Variants in GALM observed in about 807,000 individuals in gnomAD.
GALM encodes the protein aldose 1-epimerase.
Under a neutral mutation model 37.4 loss-of-function variants are expected in GALM, and 43 were observed. The observed-to-expected ratio is 1.15, with a 90% CI of 0.90 to 1.48. The LOEUF (loss-of-function observed/expected upper bound fraction) is 1.48, where lower values mean the gene tolerates loss of function less well. Among genes scored for constraint, GALM ranks in the 40% most tolerant of loss-of-function variants. The probability of loss-of-function intolerance (pLI) is 0.00; values close to 1 mark genes in which losing one functional copy is unlikely to be tolerated. For synonymous variants in GALM, 199 were observed against 170.6 expected (o/e 1.17, Z -1.30); for missense variants, 456 against 419.1 (o/e 1.09, Z -0.77).
intron 4 of GALM, among the ~76,000 whole-genome samples, chr2:38,727,724 CA>C (rs565518448): frequency 0.014 from 844 of 62,466 alleles, 5 homozygotes; most frequent in African/African-American, 0.036. Context: ...GACTACGTCT[CA>C]AAAAAAAAAA....
chr2:38,698,313 G>GAC, intron 4 of GALM: 1 of 951,344 alleles, frequency 1.1e-6, no homozygotes, highest in Non-Finnish European at 1.5e-6. Context: ...CAGCAGTGGT[G>GAC]TATTGAGTGC....
intron 4 of GALM, among the ~76,000 whole-genome samples, chr2:38,694,618 T>C (rs1665757170): frequency 1.3e-5 from 2 of 152,098 alleles, no homozygotes; most frequent in African/African-American, 4.8e-5. Context: ...AAAGTCAGGC[T>C]GGGCGCAGTG....
intron 4 of GALM, among the ~76,000 whole-genome samples, chr2:38,710,560 T>A (rs1389246175): frequency 6.6e-6 from 1 of 152,126 alleles, no homozygotes. Context: ...TGCCAGGTCC[T>A]CTGGCTATTA....
intron 3 of GALM, among the ~76,000 whole-genome samples, chr2:38,683,837 G>A (rs555375160): frequency 6.6e-6 from 1 of 152,162 alleles, no homozygotes; most frequent in African/African-American, 2.4e-5. Flanking sequence ...AAAGTGCTAG[G>A]ATTACAGGCG....
At chr2:38,687,636 T>C (rs1665568657) in intron 3 of GALM, among the ~76,000 whole-genome samples, 1 of 151,014 alleles carries the variant, frequency 6.6e-6, no homozygotes, top group Admixed American at 6.6e-5. Flanking sequence ...GCTTGAACCC[T>C]GGAAGTGGAG....
intron 3 of GALM, among the ~76,000 whole-genome samples, chr2:38,681,908 C>G (rs558616562): frequency 1.3e-5 from 2 of 152,362 alleles, no homozygotes; most frequent in South Asian, 4.1e-4. Context: ...TGTGCTTCCC[C>G]TGTGAGCCTG....
At chr2:38,683,768 T>C (rs562414719) in intron 3 of GALM, among the ~76,000 whole-genome samples, 32 of 152,214 alleles carry the variant, frequency 2.1e-4, no homozygotes, top group Admixed American at 5.9e-4. Context: ...GGTTTCACCA[T>C]GTTGCCCAAG....
intron 4 of GALM, among the ~76,000 whole-genome samples, chr2:38,703,413 C>T (rs1487690168): frequency 2.6e-5 from 4 of 151,668 alleles, no homozygotes; most frequent in South Asian, 2.1e-4. Flanking sequence ...GCCTTAAACA[C>T]GGTATATTAG....
At chr2:38,680,680 A>G (rs1275284276) in intron 2 of GALM, among the ~76,000 whole-genome samples, 1 of 152,006 alleles carries the variant, frequency 6.6e-6, no homozygotes, top group Non-Finnish European at 1.5e-5. Context: ...AGATATTGCT[A>G]TATGGCGTTT....
At chr2:38,686,142 A>T (rs373624509) in intron 3 of GALM, among the ~76,000 whole-genome samples, 2 of 150,610 alleles carry the variant, frequency 1.3e-5, no homozygotes, top group African/African-American at 4.9e-5. Flanking sequence ...TCTCAGGCTC[A>T]TCAGTTTATT....
rs200050911 is a variant in GALM at position 38,686,220 on chromosome 2, A to ATTTC, written c.553-3538_553-3535dup. 4.5e-3 allele frequency among the ~76,000 whole-genome samples: 417 copies of ATTTC among 93,606 alleles called. 20 individuals are homozygous for ATTTC. Among genetic ancestry groups the ATTTC allele is most frequent in the South Asian group, 9.1e-3 (24 of 2,644 alleles). 61.4% of individuals were successfully genotyped at this position (93,606 alleles called of 152,430 possible). The stretch of plus-strand genomic sequence containing the variant: ...AAAAAAAAAACCACAGAAAGTGGAA[A>ATTTC]TTTCTTTCTTTCTTTCTTTCTTTCT... On this transcript the variant is annotated intron_variant, in intron 3 of 6. Transcript: ENST00000272252.
At chr2:38,671,087 G>A (rs1476957478) in intron 1 of GALM, among the ~76,000 whole-genome samples, 1 of 141,306 alleles carries the variant, frequency 7.1e-6, no homozygotes, top group Non-Finnish European at 1.5e-5. Flanking sequence ...CAGGAAAGGG[G>A]GAAGCGTTTC....
intron 4 of GALM, among the ~76,000 whole-genome samples, chr2:38,713,655 G>T (rs1666213979): frequency 1.3e-5 from 2 of 152,216 alleles, no homozygotes; most frequent in Middle Eastern, 3.4e-3. Flanking sequence ...TGTAATCCCA[G>T]CACTTTGGGA....
In GALM at chr2:38,699,981, C is replaced by T. The variant is rs144943351; in HGVS notation, c.634+10087C>T. Among the ~76,000 whole-genome samples, 438 of 152,196 alleles carry T rather than the reference C, an allele frequency of 2.9e-3. 3 individuals are homozygous for T. The highest frequency in any genetic ancestry group is 3.2e-3 in the Non-Finnish European group (219 of 68,024). On this transcript the variant is annotated intron_variant, in intron 4 of 6. Coordinates refer to ENST00000272252, the MANE Select transcript of GALM (RefSeq NM_138801.3). ...GTTTTTTGTTTTTTTGAGAGAGTCTCACTCTGTTGCCCAGGCTGGGAGTGC... is the reference window on the plus strand; with the variant it reads ...GTTTTTTGTTTTTTTGAGAGAGTCTTACTCTGTTGCCCAGGCTGGGAGTGC...
chr2:38,667,153 C>T (rs1210208131), intron 1 of GALM, among the ~76,000 whole-genome samples: 3 of 152,116 alleles, frequency 2.0e-5, no homozygotes, highest in Admixed American at 2.0e-4. Flanking sequence ...ACATCATGCT[C>T]TCTTAGCACC....
chr2:38,733,605 G>A lies in GALM; in HGVS notation c.*40G>A. The A allele has an allele frequency of 1.4e-6, 2 of 1,413,262 alleles. No individual in the cohort carries two copies. Among genetic ancestry groups the A allele is most frequent in the East Asian group, 2.3e-5 (1 of 43,838 alleles). The allele number at this position is 1,413,262 out of a possible 1,614,324, so 87.5% of individuals were successfully genotyped here. On this transcript the variant is annotated 3_prime_UTR_variant, in exon 7 of 7. Coordinates refer to ENST00000272252, the MANE Select transcript of GALM (RefSeq NM_138801.3). ...ATGATCCAGTCCAGGGCTAGGCTCAGCCACCTGTCTCCTGTCCAGAAAAAA... is the reference window on the plus strand; with the variant it reads ...ATGATCCAGTCCAGGGCTAGGCTCAACCACCTGTCTCCTGTCCAGAAAAAA...
chr2:38,701,098 T>A (rs1226642939), intron 4 of GALM, among the ~76,000 whole-genome samples: 2 of 152,212 alleles, frequency 1.3e-5, no homozygotes, highest in Admixed American at 1.3e-4. Flanking sequence ...TAGAAACAGA[T>A]CCCTGGTACC....
intron 4 of GALM, among the ~76,000 whole-genome samples, chr2:38,700,360 G>A (rs924844001): frequency 2.6e-5 from 4 of 152,108 alleles, no homozygotes; most frequent in African/African-American, 9.7e-5. Context: ...TGGTGTCTAT[G>A]TCTCCCTTTA....
intron 4 of GALM, among the ~76,000 whole-genome samples, chr2:38,706,944 A>G (rs1337824473): frequency 6.6e-6 from 1 of 151,560 alleles, no homozygotes; most frequent in Non-Finnish European, 1.5e-5. Context: ...GGTCAGGTGG[A>G]AGAAGGCAGT....
Sources: gnomAD v4.1 joint callset for allele counts (sites outside exome capture counted in the v4.1 genomes callset) on GRCh38, gnomAD v4.1.1 for gene constraint, MANE v1.5 for transcripts, NCBI Gene and HGNC (gene_info 2026-07-23, HGNC 2026-07-21) for gene names.